ANO7: variants seen among roughly 807,000 people sequenced by gnomAD.
ANO7 encodes the protein anoctamin 7.
ANO7 carries 114 observed loss-of-function variants against 115.8 expected under a neutral mutation model. That is an observed-to-expected ratio of 0.98 (90% confidence interval 0.85 to 1.15). ANO7 has a LOEUF of 1.15. ANO7 is among the 50% of genes most tolerant of loss of function. The probability of loss-of-function intolerance (pLI) is 0.00; values close to 1 mark genes in which losing one functional copy is unlikely to be tolerated. For synonymous variants in ANO7, 550 were observed against 498.2 expected (o/e 1.10, Z -1.38); for missense variants, 1,302 against 1,201.2 (o/e 1.08, Z -1.24).
chr2:241,194,684 T>G (rs2149117426), intron 3 of ANO7, among the ~76,000 whole-genome samples: 1 of 151,890 alleles, frequency 6.6e-6, no homozygotes, highest in South Asian at 2.1e-4. Flanking sequence ...TGCAGCATTT[T>G]GTTATAATTA....
downstream of ANO7, chr2:241,229,805 C>G: frequency 9.0e-7 from 1 of 1,115,090 alleles, no homozygotes; most frequent in South Asian, 1.3e-5. Flanking sequence ...CTCCCTGGGA[C>G]CCAGGAGGGC....
At chr2:241,236,287 A>G in the ANO7 span, 14 of 344,010 alleles carry the variant, frequency 4.1e-5, no homozygotes, top group Non-Finnish European at 5.9e-5. Context: ...GCGGGGGGAG[A>G]CGTTGCAACT....
At chr2:241,197,626 G>A (rs889933527) in intron 4 of ANO7, among the ~76,000 whole-genome samples, 30 of 149,348 alleles carry the variant, frequency 2.0e-4, no homozygotes, top group African/African-American at 7.4e-4. Context: ...CAATCTGCCT[G>A]CCTTAGCCTC....
In ANO7 at chr2:241,225,543, A is replaced by AAAG. The variant is rs552804703; in HGVS notation, c.*1393_*1395dup. On this transcript the variant is annotated 3_prime_UTR_variant, in exon 25 of 25. Coordinates refer to ENST00000674324, the MANE Select transcript of ANO7 (RefSeq NM_001370694.2). ...CCGTCTCGGGAACACACACACACAA[A>AAAG]AAGAATATGTGGTTTTAATGTGCTT... is the stretch of plus-strand genomic sequence containing the variant. Among the ~76,000 whole-genome samples, 10 of 152,258 alleles carry AAAG rather than the reference A, an allele frequency of 6.6e-5. No individual in the cohort carries two copies. In the East Asian group the frequency reaches 1.4e-3, roughly 21 times the overall value.
chr2:241,226,345 G>A (rs1321297474), downstream of ANO7, among the ~76,000 whole-genome samples: 1 of 152,140 alleles, frequency 6.6e-6, no homozygotes, highest in African/African-American at 2.4e-5. Flanking sequence ...TTGGCTTAGG[G>A]TCATTTTGCA....
chr2:241,195,779 C>A lies in ANO7; in HGVS notation c.243C>A (p.Asp81Glu). ...QQDSAARDRTDMHRTWRETFL... is the reference protein window; with the variant it reads ...QQDSAARDRTEMHRTWRETFL... ...ACAGTGCCGCCCGGGACAGAACAGA[C>A]ATGCACAGGACCTGGCGGGAGACTT... The change falls in exon 4 of 25, where the codon GAC (aspartate) becomes GAA (glutamate). Residue 81 changes from aspartate to glutamate, a missense_variant. Coordinates refer to ENST00000674324, the MANE Select transcript of ANO7 (RefSeq NM_001370694.2). 6.2e-7 allele frequency: 1 copy of A among 1,614,276 alleles called. No homozygotes were observed. The highest frequency in any genetic ancestry group is 8.5e-7 in the Non-Finnish European group (1 of 1,180,054).
chr2:241,201,299 T>TTCCTC lies in ANO7; in HGVS notation c.557_561dup (p.Gly188SerfsTer235). On this transcript the variant is annotated frameshift_variant and splice_region_variant, in exon 7 of 25. Coordinates refer to ENST00000674324, the MANE Select transcript of ANO7 (RefSeq NM_001370694.2). LOFTEE classifies it high-confidence loss of function. Reference sequence around the variant, plus strand: ...TCTGCACTGTTCACATGCCCACAGCTTCCTCGGGAGTGACAACCAGGACAC... The same window carrying TTCCTC: ...TCTGCACTGTTCACATGCCCACAGCTTCCTCTCCTCGGGAGTGACAACCAGGACAC... 6.2e-7 allele frequency: 1 copy of TTCCTC among 1,611,914 alleles called. No homozygotes were observed. Among genetic ancestry groups the TTCCTC allele is most frequent in the Non-Finnish European group, 8.5e-7 (1 of 1,179,650 alleles).
chr2:241,195,905 C>CA, intron 4 of ANO7, 60 bp downstream of exon 4: 1 of 1,613,980 alleles, frequency 6.2e-7, no homozygotes, highest in Non-Finnish European at 8.5e-7. Flanking sequence ...TGACCCATGA[C>CA]CTTGCCGCAT....
the ANO7 span, chr2:241,233,781 G>A: frequency 1.2e-6 from 2 of 1,612,134 alleles, no homozygotes; most frequent in Non-Finnish European, 1.7e-6. The surrounding 1 kb of genome is among the most constrained non-coding windows in gnomAD (Gnocchi z 4.3). Flanking sequence ...AGGTCAACAA[G>A]CACCTCTGCC....
At chr2:241,215,614 G>A (rs181127983) in intron 18 of ANO7, among the ~76,000 whole-genome samples, 31 of 152,374 alleles carry the variant, frequency 2.0e-4, no homozygotes, top group Non-Finnish European at 8.8e-5. Context: ...ATAAGGTGCA[G>A]GGTGGAGCTC....
rs201975372 is a variant in ANO7 at position 241,214,889 on chromosome 2, G to A, written c.1813G>A (p.Glu605Lys). Residue 605 changes from glutamate to lysine, a missense_variant, in exon 18 of 25, where the codon GAG (glutamate) becomes AAG (lysine). By Grantham distance (56) the Glu-to-Lys change is moderately conservative. Transcript: ENST00000674324. ...VGKQVINNMQ[E>K]VLIPKLKGWW... The stretch of plus-strand genomic sequence containing the variant: ...CAAGCAGGTCATCAACAACATGCAG[G>A]AGGTCCTCATCCCGTGAGTCCCCCA... The A allele has an allele frequency of 1.1e-4, 170 of 1,612,544 alleles. No homozygotes were observed. In the South Asian group the frequency reaches 1.7e-3, roughly 17 times the overall value.
the ANO7 span, chr2:241,235,178 C>G: frequency 1.1e-5 from 17 of 1,614,054 alleles, no homozygotes; most frequent in Admixed American, 2.2e-4. Flanking sequence ...CAGCCTTGGC[C>G]CGGTCCAAAT....
At chr2:241,192,827 G>A (rs2068235685) in intron 3 of ANO7, among the ~76,000 whole-genome samples, 1 of 152,088 alleles carries the variant, frequency 6.6e-6, no homozygotes, top group South Asian at 2.1e-4. Flanking sequence ...AGTCACAAAA[G>A]GACAAATGTG....
the ANO7 span, among the ~76,000 whole-genome samples, chr2:241,232,426 C>T: frequency 6.6e-6 from 1 of 152,156 alleles, no homozygotes; most frequent in East Asian, 1.9e-4. Context: ...CAGGTGCACG[C>T]GACCACGCCT....
At chr2:241,212,874 T>C in intron 17 of ANO7, 1 of 493,926 alleles carries the variant, frequency 2.0e-6, no homozygotes, top group African/African-American at 2.0e-5. Flanking sequence ...GGCTCACGCC[T>C]GTAATCTCAG....
rs1257163098 is a variant in ANO7 at position 241,223,438 on chromosome 2, C to T, written c.2412+162C>T. 5 of 1,055,872 alleles carry T rather than the reference C, an allele frequency of 4.7e-6. No homozygotes were observed. The African/African-American group carries it at 6.2e-5, about 13-fold the overall frequency. 65.4% of individuals were successfully genotyped at this position (1,055,872 alleles called of 1,614,324 possible). ...CTGCACCTGCGTTTTCCCTGCCTGGCCTCATCCCTGGGTTGTGGTGTGGAC... is the reference window on the plus strand; with the variant it reads ...CTGCACCTGCGTTTTCCCTGCCTGGTCTCATCCCTGGGTTGTGGTGTGGAC... On this transcript the variant is annotated intron_variant, in intron 22 of 24. Transcript: ENST00000674324.
chr2:241,201,029 G>A, intron 6 of ANO7, among the ~76,000 whole-genome samples: 1 of 152,248 alleles, frequency 6.6e-6, no homozygotes, highest in East Asian at 1.9e-4. Flanking sequence ...TGTGTGGTGA[G>A]GGGTTCTGGG....
chr2:241,219,899 C>T (rs965787379), intron 21 of ANO7, among the ~76,000 whole-genome samples: 1 of 152,158 alleles, frequency 6.6e-6, no homozygotes, highest in African/African-American at 2.4e-5. Context: ...TATATATTAT[C>T]CTAACAAAGC....
At position 241,216,172 on chromosome 2, in the gene ANO7, G is replaced by C; in HGVS notation, c.1906G>C (p.Gly636Arg). 1 of 1,613,272 alleles carries C rather than the reference G, an allele frequency of 6.2e-7. No homozygotes were observed. ...KAGASAGASQ[G>R]PWEDDYELVP... ...GGGAGCTTCTGCAGGGGCTAGCCAG[G>C]GGCCCTGGGAGGACGACTATGAGCT... Residue 636 changes from glycine to arginine, a missense_variant, in exon 19 of 25, where the codon GGG becomes CGG. Gly to Arg is a moderately radical substitution (Grantham distance 125, BLOSUM62 -2). Coordinates refer to ENST00000674324, the MANE Select transcript of ANO7 (RefSeq NM_001370694.2).
Sources: gnomAD v4.1 joint callset for allele counts (sites outside exome capture counted in the v4.1 genomes callset) on GRCh38, gnomAD v4.1.1 for gene constraint, Gnocchi (gnomAD v3.1) non-coding constraint, MANE v1.5 for transcripts, NCBI Gene and HGNC (gene_info 2026-07-23, HGNC 2026-07-21) for gene names.